The following LCORL variants were observed in gnomAD, a reference collection of about 807,000 sequenced individuals.
The protein encoded by LCORL is ligand dependent nuclear receptor corepressor like.
LCORL carries 41 observed loss-of-function variants against 141.8 expected under a neutral mutation model. The ratio of observed to expected loss-of-function variants is 0.29; its 90% confidence interval spans 0.23 to 0.38. The LOEUF (loss-of-function observed/expected upper bound fraction) is 0.38. LCORL is among the 10% of genes least tolerant of loss of function. The pLI is 1.00. For missense variants in LCORL, 1,759 were observed against 2,035.0 expected, an observed-to-expected ratio of 0.86 and a Z score of 2.61; for synonymous variants, 618 against 694.1, an observed-to-expected ratio of 0.89 and a Z score of 1.72.
intron 1 of LCORL, among the ~76,000 whole-genome samples, chr4:17,988,214 G>C (rs897056210): frequency 8.5e-5 from 13 of 152,252 alleles, no homozygotes; most frequent in Non-Finnish European, 1.9e-4. Context: ...CAGCCATGTG[G>C]AACTGTAAGT....
intron 4 of LCORL, among the ~76,000 whole-genome samples, chr4:17,954,781 G>C (rs1024638553): frequency 2.5e-4 from 38 of 152,156 alleles, no homozygotes; most frequent in African/African-American, 8.7e-4. Flanking sequence ...ACCAAAGAAG[G>C]CTCCTGGCCT....
At position 17,886,372 on chromosome 4, in the gene LCORL, G is replaced by A. The variant is rs1444299908; in HGVS notation, c.683-211C>T. Among the ~76,000 whole-genome samples, 3 of 152,018 alleles carry A rather than the reference G, an allele frequency of 2.0e-5. No homozygotes were observed. The East Asian group carries it at 5.8e-4, about 29-fold the overall frequency. ...ACAGAGGAGGAGCTGGCATTGCCAG[G>A]TGATAGGAAGAAACTAACTAAATAT... On this transcript the variant is annotated intron_variant, in intron 5 of 7. Transcript: ENST00000635767.
At chr4:18,019,327 A>T (rs1278302148) in intron 1 of LCORL, among the ~76,000 whole-genome samples, 1 of 152,152 alleles carries the variant, frequency 6.6e-6, no homozygotes, top group Non-Finnish European at 1.5e-5. Context: ...CGACAGTAAG[A>T]CTCCATCTCA....
At chr4:17,933,215 G>A (rs533395135) in intron 4 of LCORL, among the ~76,000 whole-genome samples, 4 of 152,168 alleles carry the variant, frequency 2.6e-5, no homozygotes, top group African/African-American at 9.6e-5. Flanking sequence ...TTTCTGGAAA[G>A]CTATGTAGTT....
chr4:17,981,733 G>A (rs1246949610), intron 1 of LCORL, among the ~76,000 whole-genome samples: 1 of 152,070 alleles, frequency 6.6e-6, no homozygotes, highest in Non-Finnish European at 1.5e-5. Flanking sequence ...ACAGGCTAGA[G>A]TCATCCAGGC....
intron 7 of LCORL, among the ~76,000 whole-genome samples, chr4:17,853,084 A>G (rs1328736716): frequency 1.4e-5 from 2 of 143,700 alleles, no homozygotes; most frequent in African/African-American, 5.1e-5. Context: ...ACAATACAAC[A>G]TTCAGTCCTA....
chr4:17,880,433 T>C, intron 6 of LCORL: 2 of 916,400 alleles, frequency 2.2e-6, no homozygotes, highest in Non-Finnish European at 2.6e-6. Flanking sequence ...TTTCTAACCT[T>C]TTCCTGTTTG....
Position 18,010,850 on chromosome 4 carries a change from C to A in LCORL, c.154+10748G>T, listed in dbSNP as rs945161069. Among the ~76,000 whole-genome samples the A allele has an allele frequency of 8.5e-5, 13 of 152,262 alleles. No homozygotes were observed. The East Asian group carries it at 2.3e-3, about 27-fold the overall frequency. ...CCAGTATACTTACCCCCAGATACAA[C>A]CCTGCAAAAATTAACAGCCATGATT... On this transcript the variant is annotated intron_variant, in intron 1 of 7. Coordinates refer to ENST00000635767, the Ensembl canonical transcript of LCORL.
intron 4 of LCORL, chr4:17,911,916 G>A (rs1250715473): frequency 5.7e-6 from 3 of 529,228 alleles, no homozygotes; most frequent in Non-Finnish European, 1.1e-5. Context: ...AGAACGAGGA[G>A]GAGACCATGC....
intron 5 of LCORL, among the ~76,000 whole-genome samples, chr4:17,900,250 T>G (rs1474809848): frequency 6.6e-6 from 1 of 152,186 alleles, no homozygotes; most frequent in Non-Finnish European, 1.5e-5. Flanking sequence ...ACTGTAACAA[T>G]TTTATTTCTT....
At chr4:18,010,751 C>T (rs1723622819) in intron 1 of LCORL, among the ~76,000 whole-genome samples, 1 of 152,074 alleles carries the variant, frequency 6.6e-6, no homozygotes, top group Non-Finnish European at 1.5e-5. Flanking sequence ...CGGGCCCGGC[C>T]ATAACATATT....
intron 4 of LCORL, among the ~76,000 whole-genome samples, chr4:17,961,622 A>T (rs1051271859): frequency 7.9e-5 from 12 of 152,006 alleles, no homozygotes; most frequent in Non-Finnish European, 8.8e-5. Context: ...CCAGAAGCAT[A>T]AGAAAAATTT....
intron 1 of LCORL, among the ~76,000 whole-genome samples, chr4:17,979,553 A>G (rs1292300918): frequency 2.0e-5 from 3 of 152,246 alleles, no homozygotes; most frequent in Non-Finnish European, 4.4e-5. Context: ...ATATTTTAAA[A>G]TCAGTGTTAA....
chr4:17,869,807 T>G (rs566833723), intron 7 of LCORL, among the ~76,000 whole-genome samples: 1 of 152,198 alleles, frequency 6.6e-6, no homozygotes, highest in South Asian at 2.1e-4. Context: ...GATATCCCAC[T>G]GAACACCTCA....
chr4:17,926,172 G>C (rs1003268337), intron 4 of LCORL, among the ~76,000 whole-genome samples: 1 of 152,158 alleles, frequency 6.6e-6, no homozygotes, highest in Non-Finnish European at 1.5e-5. Context: ...GGATGGACTT[G>C]TGATGGTTAA....
rs151173239 is a variant in LCORL, at chr4:17,911,776, G to A, written c.431-2431C>T. ...CTGGCTGGTCAGCAGCGTGGCTGGC[G>A]TCTATGCAGGTGCCGGGAGCTCTGG... On this transcript the variant is annotated intron_variant, in intron 4 of 7. Transcript: ENST00000635767. The A allele has an allele frequency of 1.1e-3, 506 of 457,228 alleles. 2 individuals are homozygous for A. Among genetic ancestry groups the A allele is most frequent in the African/African-American group, 7.8e-3 (383 of 49,240 alleles). 28.3% of individuals were successfully genotyped at this position (457,228 alleles called of 1,614,324 possible). A position where few individuals can be genotyped will look rare whatever the true frequency, so the allele number is the denominator to read the frequency against.
At chr4:17,933,536 C>T (rs1506610) in intron 4 of LCORL, among the ~76,000 whole-genome samples, 3,685 of 152,080 alleles carry the variant, frequency 0.024, 147 homozygotes, top group African/African-American at 0.084. Context: ...TCTCCATTCC[C>T]ATTTTCCTTT....
intron 5 of LCORL, among the ~76,000 whole-genome samples, chr4:17,903,607 C>T (rs997517102): frequency 6.6e-5 from 10 of 152,048 alleles, no homozygotes; most frequent in African/African-American, 2.4e-4. Context: ...ACCCTTCTAC[C>T]ACTTTCTGAG....
intron 4 of LCORL, among the ~76,000 whole-genome samples, chr4:17,923,763 G>A (rs1312922919): frequency 6.6e-6 from 1 of 152,120 alleles, no homozygotes; most frequent in Non-Finnish European, 1.5e-5. Flanking sequence ...TGGGATGTTA[G>A]AGTAAATTAG....
Sources: gnomAD v4.1 joint callset for allele counts (sites outside exome capture counted in the v4.1 genomes callset) on GRCh38, gnomAD v4.1.1 for gene constraint, MANE v1.5 for transcripts, NCBI Gene and HGNC (gene_info 2026-07-23, HGNC 2026-07-21) for gene names.